ROCK1: variants seen among roughly 807,000 people sequenced by gnomAD.
ROCK1 encodes Rho associated coiled-coil containing protein kinase 1.
Under a neutral mutation model 196.8 loss-of-function variants are expected in ROCK1, and 36 were observed. That is an observed-to-expected ratio of 0.18 (90% confidence interval 0.14 to 0.24). ROCK1 has a LOEUF of 0.24. Among genes scored for constraint, ROCK1 ranks in the 10% least tolerant of loss-of-function variants. The pLI, the probability that ROCK1 is intolerant of heterozygous loss-of-function variation, is 1.00. For missense variants in ROCK1, 920 were observed against 1,562.0 expected (o/e 0.59, Z 6.93); for synonymous variants, 443 against 515.9 (o/e 0.86, Z 1.91).
At chr18:21,051,433 G>A (rs1029927849) in intron 2 of ROCK1, among the ~76,000 whole-genome samples, 1 of 152,074 alleles carries the variant, frequency 6.6e-6, no homozygotes, top group Non-Finnish European at 1.5e-5. Flanking sequence ...CAGTCTGGGC[G>A]ACAGAGCGAA....
chr18:21,012,368 T>G (rs1431367671), intron 13 of ROCK1, among the ~76,000 whole-genome samples: 1 of 152,210 alleles, frequency 6.6e-6, no homozygotes, highest in Non-Finnish European at 1.5e-5. Flanking sequence ...AATGTTGTCA[T>G]TTTCTTTTTC....
At chr18:21,086,776 A>G (rs2143578423) in intron 1 of ROCK1, among the ~76,000 whole-genome samples, 1 of 152,174 alleles carries the variant, frequency 6.6e-6, no homozygotes, top group African/African-American at 2.4e-5. Context: ...AAAAAAAAAA[A>G]ATTAAGACAT....
intron 27 of ROCK1, among the ~76,000 whole-genome samples, chr18:20,964,066 T>C (rs1270715718): frequency 2.0e-5 from 3 of 152,130 alleles, no homozygotes; most frequent in South Asian, 2.1e-4. Context: ...ATAATCTTTA[T>C]ACTGAATGAT....
At chr18:21,020,294 A>T in intron 11 of ROCK1, 55 bp from the exon 12 acceptor site, 2 of 915,724 alleles carry the variant, frequency 2.2e-6, no homozygotes, top group South Asian at 1.7e-5. Flanking sequence ...TTAGACATTT[A>T]AAAATATCAA....
chr18:21,055,497 G>C (rs1191282541), intron 2 of ROCK1, among the ~76,000 whole-genome samples: 1 of 152,066 alleles, frequency 6.6e-6, no homozygotes, highest in East Asian at 1.9e-4. Context: ...TTAACTATCA[G>C]CATGTACAAG....
intron 16 of ROCK1, among the ~76,000 whole-genome samples, chr18:20,997,964 C>G (rs8084725): frequency 0.19 from 29,486 of 151,468 alleles, 6,491 homozygotes; most frequent in African/African-American, 0.54. Context: ...AGCCTCCTAA[C>G]TAGCTGGGAC....
intron 13 of ROCK1, among the ~76,000 whole-genome samples, chr18:21,011,313 T>A (rs1472206601): frequency 6.6e-6 from 1 of 152,230 alleles, no homozygotes; most frequent in African/African-American, 2.4e-5. Flanking sequence ...TGTTTTTGAA[T>A]GTATCTCCTT....
At chr18:21,041,826 T>C (rs183118465) in intron 8 of ROCK1, among the ~76,000 whole-genome samples, 159 of 152,268 alleles carry the variant, frequency 1.0e-3, no homozygotes, top group African/African-American at 3.8e-3. Context: ...GTAATTTTTA[T>C]AATTAACCAA....
rs554794028 is a variant in ROCK1, at chr18:21,045,971, C to T, written c.415-504G>A. Among the ~76,000 whole-genome samples, 69 of 121,514 alleles carry T rather than the reference C, an allele frequency of 5.7e-4. No homozygotes were observed. The East Asian group carries it at 0.019, about 33-fold the overall frequency. The allele number at this position is 121,514 out of a possible 152,430, so 79.7% of individuals were successfully genotyped here. A position where few individuals can be genotyped will look rare whatever the true frequency, so the allele number is the denominator to read the frequency against. Reference sequence around the variant, plus strand: ...TGTCGCCCAGGCTGGAGTGCAGTGGCGTGATGTCGGCTCACTGCAAGCTCC... The same window carrying T: ...TGTCGCCCAGGCTGGAGTGCAGTGGTGTGATGTCGGCTCACTGCAAGCTCC... On this transcript the variant is annotated intron_variant, in intron 4 of 32. Transcript: ENST00000399799.
intron 16 of ROCK1, among the ~76,000 whole-genome samples, chr18:21,002,409 T>C (rs1251385514): frequency 6.6e-6 from 1 of 152,170 alleles, no homozygotes; most frequent in Non-Finnish European, 1.5e-5. Context: ...ATTAAATATA[T>C]TAAAATTCAT....
chr18:21,078,375 G>C (rs111294738), intron 1 of ROCK1, among the ~76,000 whole-genome samples: 5,777 of 123,886 alleles, frequency 0.047, 379 homozygotes, highest in African/African-American at 0.19. Flanking sequence ...CACACACACA[G>C]AGAGAGAGAG....
At chr18:21,098,753 G>T (rs2036632942) in intron 1 of ROCK1, among the ~76,000 whole-genome samples, 1 of 151,902 alleles carries the variant, frequency 6.6e-6, no homozygotes, top group African/African-American at 2.4e-5. Context: ...ATATGGACGG[G>T]CAGATCACAG....
chr18:21,020,200 G>C lies in ROCK1; in HGVS notation c.1312C>G (p.Gln438Glu), dbSNP rs1473221559. Residue 438 changes from glutamine to glutamate, a missense_variant, in exon 12 of 33, where the codon CAG (glutamine) becomes GAG (glutamate). Gln to Glu is a conservative substitution (Grantham distance 29). Around this residue, in one of 6 missense-constraint regions of ROCK1, gnomAD observed 520 missense variants for 657.1 expected, o/e 0.79. Transcript: ENST00000399799. ...TTTAACTGCATTTCATTATGCAGCT[G>C]TTCTTCCAGCTTATAGATTGTTTTT... ...LQKTIYKLEE[Q>E]LHNEMQLKDE... 4 of 1,597,006 alleles carry C rather than the reference G, an allele frequency of 2.5e-6. No individual in the cohort carries two copies. The highest frequency in any genetic ancestry group is 3.4e-6 in the Non-Finnish European group (4 of 1,174,924).
intron 18 of ROCK1, among the ~76,000 whole-genome samples, chr18:20,987,807 C>T (rs1343583682): frequency 6.6e-6 from 1 of 152,032 alleles, no homozygotes; most frequent in East Asian, 1.9e-4. Context: ...CCTTATCTTT[C>T]CCCCCAAACT....
chr18:21,101,418 CA>C (rs1337056836), intron 1 of ROCK1, among the ~76,000 whole-genome samples: 1 of 152,060 alleles, frequency 6.6e-6, no homozygotes, highest in Non-Finnish European at 1.5e-5. Flanking sequence ...CCGTGTGAGG[CA>C]AAAGAAAATA....
chr18:20,965,287 A>G (rs531538383), intron 27 of ROCK1, among the ~76,000 whole-genome samples: 1 of 152,182 alleles, frequency 6.6e-6, no homozygotes, highest in African/African-American at 2.4e-5. Context: ...GCTACTCAGG[A>G]GGTTGGGGCA....
At chr18:21,065,328 AAGATAT>A (rs1230024239) in intron 2 of ROCK1, among the ~76,000 whole-genome samples, 3 of 152,208 alleles carry the variant, frequency 2.0e-5, no homozygotes, top group Non-Finnish European at 4.4e-5. Context: ...TATATTATAA[AAGATAT>A]AGTATATGAC....
chr18:21,091,839 G>A (rs1424175832), intron 1 of ROCK1, among the ~76,000 whole-genome samples: 4 of 151,958 alleles, frequency 2.6e-5, no homozygotes, highest in Non-Finnish European at 4.4e-5. Context: ...GCGTGGTGTC[G>A]TATGCCTATA....
chr18:21,096,991 G>C (rs552858625), intron 1 of ROCK1, among the ~76,000 whole-genome samples: 1 of 152,308 alleles, frequency 6.6e-6, no homozygotes, highest in Admixed American at 6.5e-5. Flanking sequence ...AGACTATAAA[G>C]ATGAGAAAAT....
Sources: gnomAD v4.1 joint callset for allele counts (sites outside exome capture counted in the v4.1 genomes callset) on GRCh38, gnomAD v4.1.1 for gene constraint, gnomAD v4.1.1 regional missense constraint, MANE v1.5 for transcripts, NCBI Gene and HGNC (gene_info 2026-07-23, HGNC 2026-07-21) for gene names.